Variants in TYK2 observed in about 807,000 individuals in gnomAD.
TYK2 encodes non-receptor tyrosine-protein kinase TYK2.
Under a neutral mutation model 130.9 loss-of-function variants are expected in TYK2, and 65 were observed. The ratio of observed to expected loss-of-function variants is 0.50; its 90% CI spans 0.41 to 0.61. The LOEUF (loss-of-function observed/expected upper bound fraction) is 0.61. Among genes scored for constraint, TYK2 ranks in the 20% least tolerant of loss-of-function variants. The pLI is 0.00. For missense variants in TYK2, 1,378 were observed against 1,610.7 expected, an observed-to-expected ratio of 0.86 and a Z score of 2.47; for synonymous variants, 647 against 658.9, an observed-to-expected ratio of 0.98 and a Z score of 0.28.
At chr19:10,356,864 C>T (rs1330818394) in intron 17 of TYK2, 146 bp from the exon 18 acceptor site, 7 of 831,642 alleles carry the variant, frequency 8.4e-6, no homozygotes, top group Admixed American at 6.2e-5. Context: ...TGAGGCTCCA[C>T]AAAGTGGGAG....
chr19:10,357,620 A>G, intron 17 of TYK2, 144 bp downstream of exon 17: 1 of 1,155,240 alleles, frequency 8.7e-7, no homozygotes. Context: ...ATTGAGCCCC[A>G]GCGAGTGGCC....
intron 5 of TYK2, 113 bp from the exon 6 acceptor site, chr19:10,366,693 C>T: frequency 1.7e-6 from 2 of 1,158,392 alleles, no homozygotes; most frequent in Non-Finnish European, 2.6e-6. Context: ...TGTCTTGGGC[C>T]CTACATAAAA....
At chr19:10,379,355 A>T (rs1423153370) in intron 2 of TYK2, among the ~76,000 whole-genome samples, 1 of 150,108 alleles carries the variant, frequency 6.7e-6, no homozygotes, top group Non-Finnish European at 1.5e-5. Context: ...TAAATAAATA[A>T]ATAAGTAATA....
chr19:10,368,263 A>AG lies in TYK2; in HGVS notation c.317+31dup, dbSNP rs2041758569. 3.1e-6 allele frequency: 5 copies of AG among 1,614,144 alleles called. No individual in the cohort carries two copies. In the East Asian group the frequency reaches 1.1e-4, roughly 36 times the overall value. ...AGAGTCAGACCAGCTTCAGCACAGG[A>AG]GGGGACGAGCTTTGCAAAGGTCTCC... is the stretch of plus-strand genomic sequence containing the variant. On this transcript the variant is annotated intron_variant, in intron 4 of 24. Transcript: ENST00000525621.
intron 2 of TYK2, among the ~76,000 whole-genome samples, chr19:10,379,171 T>G (rs2042281013): frequency 6.6e-6 from 1 of 151,194 alleles, no homozygotes; most frequent in Admixed American, 6.6e-5. Flanking sequence ...TACAAGAAAT[T>G]TTTAAAATTT....
chr19:10,351,127 C>T lies in TYK2; in HGVS notation c.3354G>A (p.Gln1118=), dbSNP rs776058143. Residue 1118 remains glutamine, a synonymous_variant, in exon 24 of 25, where the codon CAG becomes CAA. Transcript: ENST00000525621. ...ACTCAGTGAGTCTCAGAACTGTCAT[C>T]TGACCCTGAGCAATGCCTATGAGCT... ...FLELIGIAQG[Q]MTVLRLTELL... is the part of the protein sequence containing the mutation. 1 of 1,614,144 alleles carries T rather than the reference C, an allele frequency of 6.2e-7. No homozygotes were observed. Among genetic ancestry groups the T allele is most frequent in the East Asian group, 2.2e-5 (1 of 44,874 alleles).
chr19:10,363,752 T>A (rs567139914), intron 9 of TYK2, among the ~76,000 whole-genome samples: 1 of 152,324 alleles, frequency 6.6e-6, no homozygotes, highest in African/African-American at 2.4e-5. Flanking sequence ...CATGGTCACA[T>A]AGGTCCAGAC....
intron 15 of TYK2, 107 bp from the exon 16 acceptor site, chr19:10,358,245 A>G (rs2041207544): frequency 6.6e-6 from 7 of 1,065,210 alleles, no homozygotes; most frequent in East Asian, 2.8e-5. Context: ...AACTGTGACT[A>G]TCACTGGGTT....
intron 3 of TYK2, among the ~76,000 whole-genome samples, chr19:10,370,911 G>A (rs781614329): frequency 3.9e-5 from 6 of 151,934 alleles, no homozygotes; most frequent in Admixed American, 2.6e-4. Flanking sequence ...GCTAAGGCGG[G>A]AGAATCACTT....
At chr19:10,373,478 G>A (rs1013300146) in intron 3 of TYK2, among the ~76,000 whole-genome samples, 1 of 151,272 alleles carries the variant, frequency 6.6e-6, no homozygotes, top group African/African-American at 2.4e-5. Context: ...GCTGGGATGT[G>A]CGTCACCACG....
chr19:10,368,380 C>T lies in TYK2; in HGVS notation c.232G>A (p.Asp78Asn), dbSNP rs778171865. Residue 78 changes from aspartate (D) to asparagine (N), a missense_variant, in exon 4 of 25, where the codon GAT becomes AAT. Physicochemically the swap from Asp to Asn is conservative, Grantham distance 23. Coordinates refer to ENST00000525621, the MANE Select transcript of TYK2 (RefSeq NM_003331.5). ...PPCFNLFALFDAQAQVWLPPN... is the reference protein window; with the variant it reads ...PPCFNLFALFNAQAQVWLPPN... Reference sequence around the variant, plus strand: ...GGCAACCAGACTTGGGCCTGAGCATCGAAGAGGGCAAAGAGATTGAAGCAA... The same window carrying T: ...GGCAACCAGACTTGGGCCTGAGCATTGAAGAGGGCAAAGAGATTGAAGCAA... The T allele has an allele frequency of 6.3e-5, 102 of 1,613,934 alleles. No individual in the cohort carries two copies. Among genetic ancestry groups the T allele is most frequent in the Non-Finnish European group, 8.1e-5 (95 of 1,180,040 alleles).
rs777779509 is a variant in TYK2, at chr19:10,365,760, C to T, written c.768G>A (p.Met256Ile). The change falls in exon 7 of 25, where the codon ATG becomes ATA. Residue 256 changes from methionine (M) to isoleucine (I), a missense_variant. Met to Ile is a conservative substitution (Grantham distance 10). Transcript: ENST00000525621. Reference sequence around the variant, plus strand: ...GCTCGAGTGTGGCTAGGTATTTGACCATGACCATCTGCTGGGAGAGTCGGC... The same window carrying T: ...GCTCGAGTGTGGCTAGGTATTTGACTATGACCATCTGCTGGGAGAGTCGGC... ...QPGRLSQQMV[M>I]VKYLATLERL... 1.9e-5 allele frequency: 30 copies of T among 1,612,866 alleles called. No homozygotes were observed. Among genetic ancestry groups the T allele is most frequent in the Non-Finnish European group, 2.5e-5 (30 of 1,179,858 alleles).
chr19:10,362,161 T>G lies in TYK2; in HGVS notation c.1690A>C (p.Met564Leu), dbSNP rs2041439920. 1 of 1,613,744 alleles carries G rather than the reference T, an allele frequency of 6.2e-7. No individual in the cohort carries two copies. The highest frequency in any genetic ancestry group is 2.2e-5 in the East Asian group (1 of 44,846). The part of the protein sequence containing the change: ...QPGETSNLII[M>L]RGARASPRTL... ...CTGGGGCTGGCCCGAGCCCCCCGCATGATGATGAGATTGGAGGTTTCTGGG... is the reference window on the plus strand; with the variant it reads ...CTGGGGCTGGCCCGAGCCCCCCGCAGGATGATGAGATTGGAGGTTTCTGGG... The change falls in exon 12 of 25, where the codon ATG becomes CTG. Residue 564 changes from methionine to leucine, a missense_variant. Coordinates refer to ENST00000525621, the MANE Select transcript of TYK2 (RefSeq NM_003331.5).
chr19:10,362,248 C>T lies in TYK2; in HGVS notation c.1669+16G>A. 4 of 1,613,470 alleles carry T rather than the reference C, an allele frequency of 2.5e-6. No individual in the cohort carries two copies. The highest frequency in any genetic ancestry group is 3.4e-6 in the Non-Finnish European group (4 of 1,179,488). On this transcript the variant is annotated intron_variant, in intron 11 of 24. Transcript: ENST00000525621. ...GAGATGCCACATCCCACCCAGAGGT[C>T]CCCCTATCATCGTACCTCCTGGTTG...
At chr19:10,365,436 A>G in intron 7 of TYK2, 81 bp downstream of exon 7, 3 of 1,594,642 alleles carry the variant, frequency 1.9e-6, no homozygotes, top group Non-Finnish European at 1.7e-6. Context: ...AGCCACCCTC[A>G]GAGGCTAGGG....
intron 9 of TYK2, among the ~76,000 whole-genome samples, chr19:10,363,393 T>C (rs981301669): frequency 2.0e-5 from 3 of 151,984 alleles, no homozygotes; most frequent in Non-Finnish European, 4.4e-5. Flanking sequence ...TTGCCCAGGC[T>C]GCTCTTGAAC....
At chr19:10,371,168 GT>G (rs2041893712) in intron 3 of TYK2, among the ~76,000 whole-genome samples, 1 of 151,486 alleles carries the variant, frequency 6.6e-6, no homozygotes, top group Non-Finnish European at 1.5e-5. Flanking sequence ...GTCTCACCAT[GT>G]TGTCCAGGCT....
chr19:10,355,667 A>G (rs1239883854), intron 18 of TYK2, among the ~76,000 whole-genome samples: 6 of 149,734 alleles, frequency 4.0e-5, no homozygotes, highest in East Asian at 2.0e-4. Context: ...AAGAAAGAAA[A>G]AAAAAAAGAA....
At chr19:10,360,370 G>T (rs947420280) in intron 14 of TYK2, among the ~76,000 whole-genome samples, 1 of 152,062 alleles carries the variant, frequency 6.6e-6, no homozygotes, top group African/African-American at 2.4e-5. Context: ...GATAGCACAC[G>T]CCTGTCATCC....
Sources: allele counts gnomAD v4.1 joint callset (sites outside exome capture counted in the v4.1 genomes callset), GRCh38; gene constraint gnomAD v4.1.1; transcripts MANE v1.5; gene names NCBI Gene and HGNC (gene_info 2026-07-23, HGNC 2026-07-21).